EDIL3: variants seen among roughly 807,000 people sequenced by gnomAD.
The protein encoded by EDIL3 is EGF-like repeat and discoidin I-like domain-containing protein 3.
EDIL3 carries 37 observed loss-of-function variants against 67.4 expected under a neutral mutation model. The ratio of observed to expected loss-of-function variants is 0.55; its 90% CI spans 0.42 to 0.72. EDIL3 has a LOEUF of 0.72. Among genes scored for constraint, EDIL3 ranks in the 30% least tolerant of loss-of-function variants. EDIL3 has a pLI of 0.00. For synonymous variants in EDIL3, 195 were observed against 196.3 expected, an observed-to-expected ratio of 0.99 and a Z score of 0.05; for missense variants, 527 against 586.3, an observed-to-expected ratio of 0.90 and a Z score of 1.04.
chr5:84,334,421 T>C (rs927771268), intron 1 of EDIL3, among the ~76,000 whole-genome samples: 4 of 152,154 alleles, frequency 2.6e-5, no homozygotes, highest in South Asian at 2.1e-4. Context: ...GAAAAGTTTG[T>C]CTTAAAATTC....
At chr5:83,968,084 T>C (rs1195004434) in intron 9 of EDIL3, among the ~76,000 whole-genome samples, 1 of 152,150 alleles carries the variant, frequency 6.6e-6, no homozygotes, top group African/African-American at 2.4e-5. Context: ...TATCTTAACA[T>C]TACACAAAAC....
chr5:84,306,640 T>A (rs1746281785), intron 1 of EDIL3, among the ~76,000 whole-genome samples: 1 of 152,224 alleles, frequency 6.6e-6, no homozygotes, highest in Non-Finnish European at 1.5e-5. Flanking sequence ...ACAAATCAAT[T>A]TCTAGTGAAA....
rs200921181 is a variant in EDIL3, at chr5:84,106,616, A to G, written c.651+33T>C. On this transcript the variant is annotated intron_variant, in intron 6 of 10. Transcript: ENST00000296591. ...GACCAGAATCATTTAAAAATGACTTATAACATTAACCTTGTCCCATCCCAT... is the reference window on the plus strand; with the variant it reads ...GACCAGAATCATTTAAAAATGACTTGTAACATTAACCTTGTCCCATCCCAT... 9 of 1,527,644 alleles carry G rather than the reference A, an allele frequency of 5.9e-6. No individual in the cohort carries two copies. In the African/African-American group the frequency reaches 1.1e-4, roughly 19 times the overall value. The allele number at this position is 1,527,644 out of a possible 1,614,324, so 94.6% of individuals were successfully genotyped here.
intron 1 of EDIL3, among the ~76,000 whole-genome samples, chr5:84,272,326 T>C (rs1454117645): frequency 2.5e-5 from 3 of 118,680 alleles, no homozygotes; most frequent in Admixed American, 1.1e-4. Context: ...AAGATAAAAA[T>C]AATTATATAT....
chr5:84,272,061 G>T (rs1745481764), intron 1 of EDIL3, among the ~76,000 whole-genome samples: 2 of 152,164 alleles, frequency 1.3e-5, no homozygotes, highest in Admixed American at 6.5e-5. Context: ...AGCTCAAGAG[G>T]AATGCAAGCA....
chr5:84,009,197 T>TA (rs201575093), intron 9 of EDIL3, among the ~76,000 whole-genome samples: 4,612 of 151,362 alleles, frequency 0.03, 199 homozygotes, highest in African/African-American at 0.1. Flanking sequence ...TTTCCCAAAA[T>TA]AAAAAAAAAT....
Position 84,262,659 on chromosome 5 carries a change from G to GTTTTTTTTTTTTTTTTTTTTTT in EDIL3, c.68-8469_68-8448dup, listed in dbSNP as rs773035274. Among the ~76,000 whole-genome samples, 119 of 46,318 alleles carry GTTTTTTTTTTTTTTTTTTTTTT rather than the reference G, an allele frequency of 2.6e-3. 43 individuals carry two copies. Among genetic ancestry groups the GTTTTTTTTTTTTTTTTTTTTTT allele is most frequent in the Middle Eastern group, 0.056 (2 of 36 alleles). The allele number at this position is 46,318 out of a possible 152,430, so 30.4% of individuals were successfully genotyped here. A position where few individuals can be genotyped will look rare whatever the true frequency, so the allele number is the denominator to read the frequency against. ...AAACTACAATTCCCAAGGTTGGTTG[G>GTTTTTTTTTTTTTTTTTTTTTT]TTTTTTTTTTTTTTTTTTTTTTTTT... On this transcript the variant is annotated intron_variant, in intron 1 of 10. Transcript: ENST00000296591.
chr5:84,247,666 C>T (rs1211237980), intron 2 of EDIL3, among the ~76,000 whole-genome samples: 1 of 151,608 alleles, frequency 6.6e-6, no homozygotes, highest in Non-Finnish European at 1.5e-5. Flanking sequence ...ATATCATTAC[C>T]AAAGGGAAAT....
chr5:84,251,482 C>A (rs1745025228), intron 2 of EDIL3, among the ~76,000 whole-genome samples: 1 of 151,614 alleles, frequency 6.6e-6, no homozygotes, highest in Non-Finnish European at 1.5e-5. Context: ...ATATTTGATC[C>A]CAATATTAGT....
Position 84,103,915 on chromosome 5 carries a change from C to T in EDIL3, c.651+2734G>A, listed in dbSNP as rs575365077. 2.6e-5 allele frequency among the ~76,000 whole-genome samples: 4 copies of T among 152,138 alleles called. No individual in the cohort carries two copies. The East Asian group carries it at 7.7e-4, about 29-fold the overall frequency. On this transcript the variant is annotated intron_variant, in intron 6 of 10. Transcript: ENST00000296591. ...TTGTTCTATGATAAAGGCACATGCA[C>T]GCCTATGTTCACTGTAGCACCATTC...
intron 3 of EDIL3, among the ~76,000 whole-genome samples, chr5:84,223,178 T>C (rs910983184): frequency 7.9e-5 from 12 of 151,790 alleles, no homozygotes; most frequent in African/African-American, 2.9e-4. Flanking sequence ...AGGGAATCTT[T>C]GAACACTCTT....
chr5:84,268,139 A>G (rs939539838), intron 1 of EDIL3, among the ~76,000 whole-genome samples: 1 of 151,674 alleles, frequency 6.6e-6, no homozygotes, highest in Non-Finnish European at 1.5e-5. Context: ...CTCGTCTCCA[A>G]TAAATAAATA....
intron 5 of EDIL3, among the ~76,000 whole-genome samples, chr5:84,117,409 T>A (rs1185635512): frequency 6.6e-6 from 1 of 152,184 alleles, no homozygotes. Flanking sequence ...AATACATACA[T>A]ACATACTAAA....
At chr5:84,133,725 C>T (rs917287101) in intron 5 of EDIL3, among the ~76,000 whole-genome samples, 15 of 151,584 alleles carry the variant, frequency 9.9e-5, no homozygotes, top group Middle Eastern at 3.3e-3. Context: ...ACAGGAACAT[C>T]TAAATGATTT....
chr5:84,367,610 T>C (rs1747765986), intron 1 of EDIL3, among the ~76,000 whole-genome samples: 1 of 152,048 alleles, frequency 6.6e-6, no homozygotes, highest in Non-Finnish European at 1.5e-5. Context: ...GGTGAAACCC[T>C]GTTTCTACCA....
At chr5:84,085,794 G>A (rs1433961947) in intron 6 of EDIL3, among the ~76,000 whole-genome samples, 2 of 152,188 alleles carry the variant, frequency 1.3e-5, no homozygotes, top group African/African-American at 4.8e-5. Context: ...TGTGCCTGCA[G>A]CTGCCCCTCC....
chr5:84,339,115 T>C (rs1350361445), intron 1 of EDIL3, among the ~76,000 whole-genome samples: 1 of 151,188 alleles, frequency 6.6e-6, no homozygotes, highest in East Asian at 2.0e-4. Flanking sequence ...CTATTTATCA[T>C]CACAGATAAA....
At chr5:83,949,557 G>T (rs1456257329) in intron 10 of EDIL3, among the ~76,000 whole-genome samples, 1 of 151,792 alleles carries the variant, frequency 6.6e-6, no homozygotes, top group African/African-American at 2.4e-5. Context: ...TTCTTTGCAA[G>T]AAACATATCT....
intron 2 of EDIL3, among the ~76,000 whole-genome samples, chr5:84,245,503 T>C (rs1744890916): frequency 6.6e-6 from 1 of 152,158 alleles, no homozygotes; most frequent in African/African-American, 2.4e-5. Flanking sequence ...ATACCATAGT[T>C]TATGGTGCAA....
Sources: allele counts gnomAD v4.1 joint callset (sites outside exome capture counted in the v4.1 genomes callset), GRCh38; gene constraint gnomAD v4.1.1; transcripts MANE v1.5; gene names NCBI Gene and HGNC (gene_info 2026-07-23, HGNC 2026-07-21).